The following SMARCAL1 variants were observed in gnomAD, a reference collection of about 807,000 sequenced individuals.
SMARCAL1 encodes the protein SNF2 related chromatin remodeling annealing helicase 1.
A neutral mutation model predicts 94.5 loss-of-function variants in SMARCAL1; 58 were observed. The ratio of observed to expected loss-of-function variants is 0.61; its 90% CI spans 0.50 to 0.76. The LOEUF is 0.76. Among genes scored for constraint, SMARCAL1 ranks in the 30% least tolerant of loss-of-function variants. SMARCAL1 has a pLI of 0.00. For synonymous variants in SMARCAL1, 422 were observed against 455.1 expected (o/e 0.93, Z 0.93); for missense variants, 1,051 against 1,177.9 (o/e 0.89, Z 1.58).
In SMARCAL1 at chr2:216,475,091, G is replaced by A. The variant is rs1695041899; in HGVS notation, c.2245-178G>A. Among the ~76,000 whole-genome samples the A allele has an allele frequency of 6.6e-6, 1 of 152,220 alleles. No individual in the cohort carries two copies. The highest frequency in any genetic ancestry group is 2.1e-4 in the South Asian group (1 of 4,832). ...AGGGATCTCTATTATTTCTTACAAT[G>A]GCACCTGAGTATAAGCAGTCATCTC... On this transcript the variant is annotated intron_variant, in intron 14 of 17. Transcript: ENST00000357276. This position sits in a 1 kb window ranked among gnomAD's most constrained non-coding sequence, Gnocchi z 4.4.
At chr2:216,464,038 T>C (rs1559135435) in intron 12 of SMARCAL1, among the ~76,000 whole-genome samples, 1 of 152,250 alleles carries the variant, frequency 6.6e-6, no homozygotes, top group Non-Finnish European at 1.5e-5. Flanking sequence ...AGCGAGACTT[T>C]GTCTCAAAAA....
At chr2:216,438,317 C>A in intron 9 of SMARCAL1, 103 bp from the exon 10 acceptor site, 1 of 929,802 alleles carries the variant, frequency 1.1e-6, no homozygotes, top group Non-Finnish European at 1.7e-6. Context: ...GCTAAGGGAG[C>A]ATCCACCTTG....
intron 9 of SMARCAL1, among the ~76,000 whole-genome samples, chr2:216,436,680 C>T (rs1460668364): frequency 6.6e-6 from 1 of 152,128 alleles, no homozygotes; most frequent in Non-Finnish European, 1.5e-5. Flanking sequence ...GAAAACATTC[C>T]AAGAAGTTTC....
chr2:216,415,908 C>T (rs902482211), intron 3 of SMARCAL1: 3 of 397,122 alleles, frequency 7.6e-6, no homozygotes, highest in Middle Eastern at 7.9e-4. Context: ...GGAAAGGCAG[C>T]GTCAGGATGT....
In SMARCAL1 at chr2:216,425,416, C is replaced by G. The variant is rs1322254014; in HGVS notation, c.1147+1733C>G. Among the ~76,000 whole-genome samples the G allele has an allele frequency of 2.0e-5, 3 of 152,178 alleles. 1 individual carries two copies. Among genetic ancestry groups the G allele is most frequent in the African/African-American group, 7.2e-5 (3 of 41,446 alleles). ...CTGAAAACTTGAAGACACCAGCAAC[C>G]ATGGAGCCCTAAGGGGGTGTTACAG... On this transcript the variant is annotated intron_variant, in intron 6 of 17. Coordinates refer to ENST00000357276, the MANE Select transcript of SMARCAL1 (RefSeq NM_014140.4).
intron 17 of SMARCAL1, 52 bp downstream of exon 17, chr2:216,478,351 T>C (rs1157283808): frequency 1.4e-6 from 2 of 1,414,686 alleles, no homozygotes; most frequent in African/African-American, 2.8e-5. Context: ...GGCATTAAGC[T>C]GTCTGCCAAG....
chr2:216,434,851 ATTTTTTTT>A (rs11408208), intron 8 of SMARCAL1, among the ~76,000 whole-genome samples: 3 of 117,406 alleles, frequency 2.6e-5, no homozygotes, highest in Non-Finnish European at 5.1e-5. Flanking sequence ...ACAACTCTCT[ATTTTTTTT>A]TTTTTTTTTT....
At chr2:216,469,229 G>A (rs72948666) in intron 14 of SMARCAL1, among the ~76,000 whole-genome samples, 14,395 of 150,306 alleles carry the variant, frequency 0.096, 863 homozygotes, top group South Asian at 0.19. Flanking sequence ...TGACAGCACG[G>A]TGTAATTATC....
intron 12 of SMARCAL1, among the ~76,000 whole-genome samples, chr2:216,461,882 C>T (rs1344145806): frequency 6.6e-6 from 1 of 151,762 alleles, no homozygotes; most frequent in Non-Finnish European, 1.5e-5. Flanking sequence ...TGTTTTCTCA[C>T]ACGGCTATAA....
At chr2:216,468,164 G>C in intron 14 of SMARCAL1, 118 bp downstream of exon 14, 1 of 726,584 alleles carries the variant, frequency 1.4e-6, no homozygotes, top group South Asian at 1.5e-5. Flanking sequence ...CATTGCTGAA[G>C]ACTTTCTGAA....
At chr2:216,466,003 G>A (rs1182149690) in intron 13 of SMARCAL1, among the ~76,000 whole-genome samples, 2 of 152,062 alleles carry the variant, frequency 1.3e-5, no homozygotes, top group Non-Finnish European at 2.9e-5. Context: ...CCCTGCTAAT[G>A]AACTCCAGAT....
chr2:216,458,750 G>A (rs569461543), intron 12 of SMARCAL1, among the ~76,000 whole-genome samples: 4 of 152,310 alleles, frequency 2.6e-5, no homozygotes, highest in South Asian at 2.1e-4. Context: ...AAAACTGGAA[G>A]CATTCCCTTT....
chr2:216,435,624 GTCTT>G (rs1694064269), intron 9 of SMARCAL1, 128 bp downstream of exon 9: 1 of 848,282 alleles, frequency 1.2e-6, no homozygotes, highest in Non-Finnish European at 1.9e-6. Context: ...AGAAATCACT[GTCTT>G]TATTTTGTGG....
intron 12 of SMARCAL1, among the ~76,000 whole-genome samples, chr2:216,460,204 G>A (rs1036937543): frequency 6.6e-6 from 1 of 152,206 alleles, no homozygotes; most frequent in African/African-American, 2.4e-5. Flanking sequence ...TAGAGAGGAT[G>A]TGGAGAAATA....
intron 10 of SMARCAL1, among the ~76,000 whole-genome samples, chr2:216,440,224 A>G (rs1241474525): frequency 6.6e-6 from 1 of 152,202 alleles, no homozygotes; most frequent in Non-Finnish European, 1.5e-5. Flanking sequence ...TTTTGGTTTC[A>G]GTATTTCAGC....
intron 5 of SMARCAL1, among the ~76,000 whole-genome samples, chr2:216,422,740 A>G (rs1463882032): frequency 6.6e-6 from 1 of 152,210 alleles, no homozygotes; most frequent in Admixed American, 6.5e-5. Context: ...AAGGAATCAT[A>G]CAGTGAAGAA....
intron 6 of SMARCAL1, 67 bp downstream of exon 6, chr2:216,423,750 TG>T (rs1693774063): frequency 4.3e-6 from 6 of 1,406,542 alleles, no homozygotes; most frequent in Non-Finnish European, 6.0e-6. Flanking sequence ...ACCTTAAATT[TG>T]ATGTATTTTT....
In SMARCAL1 at chr2:216,475,934, A is replaced by T. The variant is rs1399067143; in HGVS notation, c.2427+483A>T. Among the ~76,000 whole-genome samples the T allele has an allele frequency of 6.6e-6, 1 of 151,778 alleles. No individual in the cohort carries two copies. The highest frequency in any genetic ancestry group is 1.5e-5 in the Non-Finnish European group (1 of 67,946). ...CCGAGAGCTCAAGGGGTGAGGCAGG[A>T]CTGCACTGCCATAACTGAAGAGGGC... On this transcript the variant is annotated intron_variant, in intron 15 of 17. Coordinates refer to ENST00000357276, the MANE Select transcript of SMARCAL1 (RefSeq NM_014140.4). This position sits in a 1 kb window ranked among gnomAD's most constrained non-coding sequence, Gnocchi z 4.4.
At position 216,482,872 on chromosome 2, in the gene SMARCAL1, G is replaced by A; in HGVS notation, c.2760G>A (p.Gln920=). 1.9e-6 allele frequency: 3 copies of A among 1,614,180 alleles called. No individual in the cohort carries two copies. Among genetic ancestry groups the A allele is most frequent in the Non-Finnish European group, 2.5e-6 (3 of 1,180,044 alleles). Residue 920 remains glutamine (Q), a synonymous_variant, in exon 18 of 18, where the codon CAG becomes CAA. Coordinates refer to ENST00000357276, the MANE Select transcript of SMARCAL1 (RefSeq NM_014140.4). This position sits in a 1 kb window ranked among gnomAD's most constrained non-coding sequence, Gnocchi z 4.3. ...SASGTSGSSS[Q]NMGDTLDESS... ...CAGGAACATCTGGAAGTAGTTCCCA[G>A]AACATGGGAGACACCCTGGATGAAA...
Sources: allele counts gnomAD v4.1 joint callset (sites outside exome capture counted in the v4.1 genomes callset), GRCh38; gene constraint gnomAD v4.1.1; non-coding constraint Gnocchi (gnomAD v3.1); transcripts MANE v1.5; gene names NCBI Gene and HGNC (gene_info 2026-07-23, HGNC 2026-07-21).